Variants in CPVL observed in about 807,000 individuals in gnomAD.
The protein encoded by CPVL is probable serine carboxypeptidase CPVL.
A neutral mutation model predicts 63.7 loss-of-function variants in CPVL; 51 were observed. The ratio of observed to expected loss-of-function variants is 0.80; its 90% CI spans 0.64 to 1.01. The LOEUF (loss-of-function observed/expected upper bound fraction) is 1.01. CPVL is among the 50% of genes least tolerant of loss of function. CPVL has a pLI of 0.00. For synonymous variants in CPVL, 195 were observed against 206.0 expected (o/e 0.95, Z 0.46); for missense variants, 530 against 573.1 (o/e 0.92, Z 0.77).
intron 9 of CPVL, among the ~76,000 whole-genome samples, chr7:29,070,480 T>C (rs1317304355): frequency 6.6e-6 from 1 of 152,248 alleles, no homozygotes; most frequent in Non-Finnish European, 1.5e-5. Flanking sequence ...TACTGAAGTT[T>C]CACTCCTTCG....
intron 11 of CPVL, among the ~76,000 whole-genome samples, chr7:29,056,713 A>G (rs1263475506): frequency 6.6e-6 from 1 of 152,170 alleles, no homozygotes; most frequent in African/African-American, 2.4e-5. Flanking sequence ...TGACTGCTGA[A>G]TGGTATGGTA....
chr7:29,088,597 C>G (rs1437010357), intron 6 of CPVL, among the ~76,000 whole-genome samples: 1 of 152,172 alleles, frequency 6.6e-6, no homozygotes, highest in Non-Finnish European at 1.5e-5. Flanking sequence ...TAGTCAAGAA[C>G]TCTTCTTATT....
In CPVL at chr7:29,086,481, T is replaced by A. The variant is rs1481606321; in HGVS notation, c.609+3A>T. ...CACACAAGGAAACGTGACTTCTACT[T>A]ACCTCCCCAGTGACATAAAAGTCAT... On this transcript the variant is annotated splice_donor_region_variant and intron_variant, in intron 7 of 12. Coordinates refer to ENST00000265394, the MANE Select transcript of CPVL (RefSeq NM_031311.5). 2 of 1,606,812 alleles carry A rather than the reference T, an allele frequency of 1.2e-6. No homozygotes were observed. The highest frequency in any genetic ancestry group is 1.7e-6 in the Non-Finnish European group (2 of 1,173,488).
intron 11 of CPVL, among the ~76,000 whole-genome samples, chr7:29,031,186 G>A (rs886457309): frequency 6.6e-6 from 1 of 152,148 alleles, no homozygotes; most frequent in Non-Finnish European, 1.5e-5. Flanking sequence ...CTTGGGTATT[G>A]CTAATCCATA....
downstream of CPVL, among the ~76,000 whole-genome samples, chr7:28,994,951 CTAATGAATGTATATTTA>C (rs1408954621): frequency 1.3e-5 from 2 of 152,152 alleles, no homozygotes; most frequent in African/African-American, 4.8e-5. Context: ...CAGAAAACTG[CTAATGAATGTATATTTA>C]TAAATGTATA....
chr7:29,050,387 AC>A (rs1413743508), intron 11 of CPVL, among the ~76,000 whole-genome samples: 1 of 137,748 alleles, frequency 7.3e-6, no homozygotes, highest in Non-Finnish European at 1.5e-5. Flanking sequence ...CAAGAACTCA[AC>A]CCCTTTTACG....
intron 11 of CPVL, among the ~76,000 whole-genome samples, chr7:29,061,987 C>T (rs1782649973): frequency 1.3e-5 from 2 of 151,770 alleles, no homozygotes; most frequent in Admixed American, 6.6e-5. Flanking sequence ...AATATATCTC[C>T]CAAGGGCACA....
At chr7:29,059,220 A>G (rs1791034895) in intron 11 of CPVL, among the ~76,000 whole-genome samples, 1 of 152,078 alleles carries the variant, frequency 6.6e-6, no homozygotes, top group South Asian at 2.1e-4. Flanking sequence ...TATCTCTGTT[A>G]CAGTGTTTTT....
chr7:29,022,914 T>A (rs539178261), intron 12 of CPVL, among the ~76,000 whole-genome samples: 2 of 152,344 alleles, frequency 1.3e-5, no homozygotes, highest in African/African-American at 4.8e-5. Context: ...TTCCCGCCAA[T>A]GCTGGAGCCC....
intron 1 of CPVL, among the ~76,000 whole-genome samples, chr7:29,145,124 G>A (rs890485234): frequency 6.6e-6 from 1 of 151,560 alleles, no homozygotes; most frequent in Non-Finnish European, 1.5e-5. Context: ...TGCCAACAAA[G>A]CCGGTGCAGT....
chr7:29,068,496 C>T (rs377543348), intron 9 of CPVL, among the ~76,000 whole-genome samples: 2 of 152,138 alleles, frequency 1.3e-5, no homozygotes, highest in African/African-American at 4.8e-5. Flanking sequence ...CAGCTCCATG[C>T]GATGCCTGTG....
intron 7 of CPVL, among the ~76,000 whole-genome samples, chr7:29,078,645 T>C (rs1001231030): frequency 3.3e-5 from 5 of 150,204 alleles, no homozygotes; most frequent in Non-Finnish European, 6.0e-5. Flanking sequence ...GTACTATTTA[T>C]GTCTCTATGC....
At chr7:29,075,242 A>G (rs1390099773) in intron 7 of CPVL, among the ~76,000 whole-genome samples, 6 of 152,194 alleles carry the variant, frequency 3.9e-5, no homozygotes, top group Non-Finnish European at 2.9e-5. Context: ...CATCATGTGT[A>G]TCTGGGTATC....
At chr7:29,113,428 G>A (rs529262816) in intron 2 of CPVL, among the ~76,000 whole-genome samples, 2 of 152,104 alleles carry the variant, frequency 1.3e-5, no homozygotes, top group Admixed American at 6.5e-5. Context: ...CTACTCAGGG[G>A]GAGCCAAATA....
chr7:29,067,474 A>G (rs1273207027), intron 9 of CPVL, among the ~76,000 whole-genome samples: 1 of 152,172 alleles, frequency 6.6e-6, no homozygotes, highest in Non-Finnish European at 1.5e-5. Context: ...CATGATGAGC[A>G]AGGAAGACAC....
intron 5 of CPVL, among the ~76,000 whole-genome samples, chr7:29,152,828 G>A (rs529786349): frequency 6.6e-6 from 1 of 152,274 alleles, no homozygotes; most frequent in South Asian, 2.1e-4. Context: ...AAATACACTC[G>A]ATCCTTGTTA....
At chr7:29,082,116 G>A (rs777372912) in intron 7 of CPVL, among the ~76,000 whole-genome samples, 40 of 152,218 alleles carry the variant, frequency 2.6e-4, no homozygotes, top group Admixed American at 2.0e-4. Context: ...GTTTAGAAGA[G>A]AAAGGAATTT....
exon 1 of CPVL, chr7:29,195,081 G>C: frequency 7.3e-7 from 1 of 1,375,190 alleles, no homozygotes; most frequent in Non-Finnish European, 9.9e-7. Context: ...GCCTACCTGT[G>C]GCCATCCCGC....
chr7:29,181,936 C>G (rs1204055606), intron 4 of CPVL, among the ~76,000 whole-genome samples: 1 of 152,106 alleles, frequency 6.6e-6, no homozygotes, highest in Non-Finnish European at 1.5e-5. Flanking sequence ...TTACTTATCT[C>G]TTTTTTGCCT....
Sources: gnomAD v4.1 joint callset for allele counts (sites outside exome capture counted in the v4.1 genomes callset) on GRCh38, gnomAD v4.1.1 for gene constraint, MANE v1.5 for transcripts, NCBI Gene and HGNC (gene_info 2026-07-23, HGNC 2026-07-21) for gene names.